TMEM135: variants seen among roughly 807,000 people sequenced by gnomAD.
TMEM135 encodes the protein transmembrane protein 135.
TMEM135 carries 30 observed loss-of-function variants against 60.3 expected under a neutral mutation model. The ratio of observed to expected loss-of-function variants is 0.50; its 90% CI spans 0.37 to 0.68. TMEM135 has a LOEUF of 0.68. TMEM135 is among the 30% of genes least tolerant of loss of function. The pLI, the probability that TMEM135 is intolerant of heterozygous loss-of-function variation, is 0.00. For synonymous variants in TMEM135, 190 were observed against 186.7 expected, an observed-to-expected ratio of 1.02 and a Z score of -0.14; for missense variants, 468 against 548.8, an observed-to-expected ratio of 0.85 and a Z score of 1.47.
chr11:87,167,930 G>A (rs557350650), intron 5 of TMEM135, among the ~76,000 whole-genome samples: 10 of 152,102 alleles, frequency 6.6e-5, no homozygotes, highest in African/African-American at 2.2e-4. Context: ...GTGTGAATCT[G>A]TCAGGTCCTG....
chr11:87,174,756 C>G (rs1939326940), intron 5 of TMEM135, among the ~76,000 whole-genome samples: 1 of 152,054 alleles, frequency 6.6e-6, no homozygotes, highest in Admixed American at 6.6e-5. Flanking sequence ...CAATCATATC[C>G]CTTTGTTCAA....
At chr11:87,217,179 A>C (rs1940519996) in intron 5 of TMEM135, among the ~76,000 whole-genome samples, 1 of 152,226 alleles carries the variant, frequency 6.6e-6, no homozygotes, top group Admixed American at 6.5e-5. Flanking sequence ...CTATAAATGC[A>C]TGTGTGATCC....
intron 4 of TMEM135, among the ~76,000 whole-genome samples, chr11:87,125,361 G>C (rs1937695219): frequency 1.3e-5 from 2 of 152,150 alleles, no homozygotes; most frequent in Non-Finnish European, 2.9e-5. Context: ...AGTAGTTGTG[G>C]GGGAGTAGAG....
intron 6 of TMEM135, among the ~76,000 whole-genome samples, chr11:87,244,877 T>C (rs1471148102): frequency 6.6e-6 from 1 of 150,776 alleles, no homozygotes; most frequent in Non-Finnish European, 1.5e-5. Context: ...TTTAGTTATT[T>C]CTTGCCTTCT....
In TMEM135 at chr11:87,287,670, C is replaced by T. The variant is rs550079951; in HGVS notation, c.510-8112C>T. 8.5e-5 allele frequency among the ~76,000 whole-genome samples: 13 copies of T among 152,126 alleles called. No homozygotes were observed. In the South Asian group the frequency reaches 1.7e-3, roughly 19 times the overall value. ...CCAGCCTGGCGACAGAGTGAGACTG[C>T]GTCTCATAAATTAATAAATAATAAA... On this transcript the variant is annotated intron_variant, in intron 6 of 14. Coordinates refer to ENST00000305494, the MANE Select transcript of TMEM135 (RefSeq NM_022918.4).
At chr11:87,195,731 C>G (rs1216144573) in intron 5 of TMEM135, among the ~76,000 whole-genome samples, 1 of 152,124 alleles carries the variant, frequency 6.6e-6, no homozygotes, top group Non-Finnish European at 1.5e-5. Context: ...TTTCTTACTT[C>G]ACACGAGTAA....
intron 1 of TMEM135, among the ~76,000 whole-genome samples, chr11:87,062,130 T>C (rs530195665): frequency 6.6e-5 from 10 of 152,026 alleles, no homozygotes; most frequent in African/African-American, 2.4e-4. Context: ...CTCAGCCTCC[T>C]GAGTAGCTGG....
At chr11:87,155,847 G>C (rs1938680296) in intron 4 of TMEM135, among the ~76,000 whole-genome samples, 1 of 152,148 alleles carries the variant, frequency 6.6e-6, no homozygotes, top group South Asian at 2.1e-4. Context: ...TCCATATCTT[G>C]AATAAGCAAA....
rs773522690 is a variant in TMEM135 at position 87,157,358 on chromosome 11, C to G, written c.414C>G (p.Phe138Leu). ...YMANLATETL[F>L]RMGVARGTIT... ...ATTTACAGGCCACAGAAACACTATT[C>G]AGAATGGGTGTAGCAAGAGGAACCA... is the stretch of plus-strand genomic sequence containing the variant. Residue 138 changes from phenylalanine to leucine, a missense_variant, in exon 5 of 15, where the codon TTC becomes TTG. Phe to Leu is a conservative substitution (Grantham distance 22, BLOSUM62 0). Transcript: ENST00000305494. 6.2e-7 allele frequency: 1 copy of G among 1,611,540 alleles called. No individual in the cohort carries two copies. Among genetic ancestry groups the G allele is most frequent in the Non-Finnish European group, 8.5e-7 (1 of 1,178,906 alleles).
rs78709403 is a variant in TMEM135, at chr11:87,277,883, C to G, written c.510-17899C>G. Among the ~76,000 whole-genome samples the G allele has an allele frequency of 3.2e-3, 483 of 152,240 alleles. 9 individuals carry two copies. The highest frequency in any genetic ancestry group is 0.031 in the East Asian group (159 of 5,178). On this transcript the variant is annotated intron_variant, in intron 6 of 14. Coordinates refer to ENST00000305494, the MANE Select transcript of TMEM135 (RefSeq NM_022918.4). Reference sequence around the variant, plus strand: ...AAGACTTTAATTGTCTACCCTGTGACCTAAACTTGCTTCTTAATGATACTC... The same window carrying G: ...AAGACTTTAATTGTCTACCCTGTGAGCTAAACTTGCTTCTTAATGATACTC...
intron 3 of TMEM135, among the ~76,000 whole-genome samples, chr11:87,074,876 T>A (rs2135146272): frequency 6.6e-6 from 1 of 152,328 alleles, no homozygotes; most frequent in Admixed American, 6.5e-5. Context: ...TTTAATGCTA[T>A]TTTTTTGAAC....
Position 87,277,641 on chromosome 11 carries a change from C to T in TMEM135, c.510-18141C>T, listed in dbSNP as rs182895819. Among the ~76,000 whole-genome samples the T allele has an allele frequency of 1.4e-3, 213 of 151,996 alleles. 1 individual carries two copies. Among genetic ancestry groups the T allele is most frequent in the African/African-American group, 4.9e-3 (202 of 41,458 alleles). On this transcript the variant is annotated intron_variant, in intron 6 of 14. Coordinates refer to ENST00000305494, the MANE Select transcript of TMEM135 (RefSeq NM_022918.4). ...GGTTCAATCAATTCTCCTGCCTCAG[C>T]CTCCCTAGTAATTGGGATTACAGGC...
chr11:87,192,122 C>T (rs1307162789), intron 5 of TMEM135, among the ~76,000 whole-genome samples: 1 of 150,276 alleles, frequency 6.7e-6, no homozygotes, highest in Non-Finnish European at 1.5e-5. Context: ...GCTGGGACTA[C>T]AGGCATGTGC....
intron 5 of TMEM135, among the ~76,000 whole-genome samples, chr11:87,215,231 C>A (rs1052535874): frequency 6.6e-6 from 1 of 152,104 alleles, no homozygotes; most frequent in African/African-American, 2.4e-5. Context: ...TTTGTTCTAC[C>A]TAAGTGATTT....
chr11:87,255,296 C>G (rs1297040215), intron 6 of TMEM135, among the ~76,000 whole-genome samples: 4 of 152,218 alleles, frequency 2.6e-5, no homozygotes, highest in Non-Finnish European at 5.9e-5. Flanking sequence ...CCATCCTTCT[C>G]TCTATTGCCA....
intron 3 of TMEM135, among the ~76,000 whole-genome samples, chr11:87,075,964 T>A (rs189324873): frequency 9.2e-4 from 140 of 152,260 alleles, no homozygotes; most frequent in African/African-American, 3.2e-3. Flanking sequence ...GTGGCTACCA[T>A]CCCTGGGACT....
At chr11:87,193,571 T>C (rs1939867407) in intron 5 of TMEM135, among the ~76,000 whole-genome samples, 1 of 151,974 alleles carries the variant, frequency 6.6e-6, no homozygotes, top group Non-Finnish European at 1.5e-5. Flanking sequence ...TGTTAATTTC[T>C]TCTAAGTACC....
chr11:87,121,882 C>T (rs748710158), intron 4 of TMEM135, among the ~76,000 whole-genome samples: 135 of 152,104 alleles, frequency 8.9e-4, no homozygotes, highest in Non-Finnish European at 1.6e-3. Flanking sequence ...TCAGGTGATG[C>T]GCTCGCCTAA....
chr11:87,328,281 C>T lies in TMEM135; in HGVS notation c.*6948C>T, dbSNP rs1162468448. On this transcript the variant is annotated 3_prime_UTR_variant, in exon 15 of 15. Coordinates refer to ENST00000305494, the MANE Select transcript of TMEM135 (RefSeq NM_022918.4). ...GTGTATGCTAAAATACTGTCAATCT[C>T]GTCTTTGAAGGTTTTGCTCATCTTT... 6.6e-6 allele frequency: 3 copies of T among 453,860 alleles called. No homozygotes were observed. The highest frequency in any genetic ancestry group is 2.0e-5 in the African/African-American group (1 of 49,956). 28.1% of individuals were successfully genotyped at this position (453,860 alleles called of 1,614,324 possible). A position where few individuals can be genotyped will look rare whatever the true frequency, so the allele number is the denominator to read the frequency against.
Sources: gnomAD v4.1 joint callset for allele counts (sites outside exome capture counted in the v4.1 genomes callset) on GRCh38, gnomAD v4.1.1 for gene constraint, MANE v1.5 for transcripts, NCBI Gene and HGNC (gene_info 2026-07-23, HGNC 2026-07-21) for gene names.